The following MTUS2 variants were observed in gnomAD, a reference collection of about 807,000 sequenced individuals.
MTUS2 encodes microtubule associated scaffold protein 2.
Under a neutral mutation model 114.1 loss-of-function variants are expected in MTUS2, and 40 were observed. The ratio of observed to expected loss-of-function variants is 0.35; its 90% CI spans 0.27 to 0.46. The LOEUF (loss-of-function observed/expected upper bound fraction) is 0.46, where lower values mean the gene tolerates loss of function less well. Ranked by LOEUF, MTUS2 falls within the 20% of genes least tolerant of loss-of-function variation. The pLI, the probability that MTUS2 is intolerant of heterozygous loss-of-function variation, is 1.00. For synonymous variants in MTUS2, 688 were observed against 672.0 expected, an observed-to-expected ratio of 1.02 and a Z score of -0.37; for missense variants, 1,679 against 1,705.4, an observed-to-expected ratio of 0.98 and a Z score of 0.27.
chr13:29,353,475 A>AT (rs777659801), intron 7 of MTUS2, among the ~76,000 whole-genome samples: 1 of 151,654 alleles, frequency 6.6e-6, no homozygotes, highest in African/African-American at 2.4e-5. Flanking sequence ...TGATTTTTGT[A>AT]TTTTTTATAC....
intron 2 of MTUS2, among the ~76,000 whole-genome samples, chr13:28,965,107 G>C (rs1489135508): frequency 6.6e-6 from 1 of 152,182 alleles, no homozygotes; most frequent in Non-Finnish European, 1.5e-5. Context: ...TCATAATGAA[G>C]TTCACACGGA....
intron 2 of MTUS2, among the ~76,000 whole-genome samples, chr13:28,903,732 G>A (rs932878719): frequency 3.9e-5 from 6 of 151,990 alleles, no homozygotes; most frequent in Non-Finnish European, 8.8e-5. Context: ...ATGTGTGCAT[G>A]TGTCTTTATA....
At chr13:29,017,604 TA>T in intron 2 of MTUS2, among the ~76,000 whole-genome samples, 1 of 152,320 alleles carries the variant, frequency 6.6e-6, no homozygotes, top group East Asian at 1.9e-4. Context: ...CTTTTCTATC[TA>T]CTCTTACTTG....
intron 2 of MTUS2, among the ~76,000 whole-genome samples, chr13:28,885,273 G>A (rs1265127289): frequency 6.6e-6 from 1 of 152,150 alleles, no homozygotes; most frequent in Admixed American, 6.5e-5. Flanking sequence ...ATTTAAAAAC[G>A]TTCTTGGCAA....
chr13:29,265,494 T>C (rs1217355222), intron 5 of MTUS2, among the ~76,000 whole-genome samples: 1 of 152,216 alleles, frequency 6.6e-6, no homozygotes, highest in Admixed American at 6.5e-5. Context: ...AATGCCCCAC[T>C]CCTCAATACC....
intron 5 of MTUS2, among the ~76,000 whole-genome samples, chr13:29,208,584 C>G (rs1895293031): frequency 6.6e-6 from 1 of 152,006 alleles, no homozygotes; most frequent in Admixed American, 6.5e-5. Flanking sequence ...TTTCTTTCCT[C>G]TTAATGCTGG....
chr13:29,211,496 C>T (rs1895435964), intron 5 of MTUS2, among the ~76,000 whole-genome samples: 2 of 152,248 alleles, frequency 1.3e-5, no homozygotes, highest in Admixed American at 1.3e-4. Flanking sequence ...CAAATTGTTT[C>T]AAAGTTCAGC....
chr13:29,307,641 C>T lies in MTUS2; in HGVS notation c.2807-16972C>T, dbSNP rs187819296. On this transcript the variant is annotated intron_variant, in intron 6 of 15. Coordinates refer to ENST00000612955, the MANE Select transcript of MTUS2 (RefSeq NM_001033602.4). Reference sequence around the variant, plus strand: ...AGCTTGTCTCCTCTGACTTCAACAGCGACACCCACTCTTCCACCTTCGACG... The same window carrying T: ...AGCTTGTCTCCTCTGACTTCAACAGTGACACCCACTCTTCCACCTTCGACG... The T allele has an allele frequency of 1.9e-4, 215 of 1,153,634 alleles. 1 individual carries two copies. Among genetic ancestry groups the T allele is most frequent in the African/African-American group, 1.2e-3 (78 of 67,348 alleles). 71.5% of individuals were successfully genotyped at this position (1,153,634 alleles called of 1,614,324 possible).
chr13:29,420,970 C>T (rs1054259099), intron 8 of MTUS2, among the ~76,000 whole-genome samples: 1 of 152,198 alleles, frequency 6.6e-6, no homozygotes, highest in Non-Finnish European at 1.5e-5. Flanking sequence ...TTGGGTATTA[C>T]AGAGAAGTGA....
At chr13:29,224,211 C>G (rs1896018463) in intron 5 of MTUS2, among the ~76,000 whole-genome samples, 1 of 152,150 alleles carries the variant, frequency 6.6e-6, no homozygotes, top group South Asian at 2.1e-4. Context: ...AAGTGACACC[C>G]CAAGGATCCT....
chr13:29,200,099 C>T (rs1324203768), intron 5 of MTUS2, among the ~76,000 whole-genome samples: 2 of 151,138 alleles, frequency 1.3e-5, no homozygotes, highest in East Asian at 3.9e-4. Context: ...ATTATTCTGG[C>T]TAGTGGTCTG....
intron 7 of MTUS2, 53 bp downstream of exon 7, chr13:29,324,764 T>C (rs1650874646): frequency 2.9e-6 from 4 of 1,363,996 alleles, no homozygotes; most frequent in Admixed American, 2.0e-5. Flanking sequence ...ACTTGGAATT[T>C]ATCTTATTCA....
intron 6 of MTUS2, among the ~76,000 whole-genome samples, chr13:29,317,045 C>T (rs1390122874): frequency 6.6e-6 from 1 of 152,204 alleles, no homozygotes; most frequent in Non-Finnish European, 1.5e-5. Context: ...CTTGTTCACT[C>T]TTCTGTCCTT....
At chr13:29,367,649 G>A (rs1043698908) in intron 8 of MTUS2, among the ~76,000 whole-genome samples, 2 of 152,158 alleles carry the variant, frequency 1.3e-5, no homozygotes, top group African/African-American at 4.8e-5. Context: ...CAGATACAGA[G>A]CCTGAGGCTG....
At chr13:29,292,877 G>A (rs146565556) in intron 6 of MTUS2, among the ~76,000 whole-genome samples, 4 of 151,844 alleles carry the variant, frequency 2.6e-5, no homozygotes, top group Admixed American at 1.3e-4. Context: ...CACACTCAAG[G>A]GAAAAAAAGA....
intron 8 of MTUS2, among the ~76,000 whole-genome samples, chr13:29,389,327 G>GTATGTA (rs1566172333): frequency 9.4e-5 from 6 of 63,794 alleles, no homozygotes; most frequent in African/African-American, 1.4e-4. Flanking sequence ...ACACATATGT[G>GTATGTA]TGTATATATG....
At chr13:29,146,362 AG>A (rs1315888715) in intron 5 of MTUS2, among the ~76,000 whole-genome samples, 2 of 152,248 alleles carry the variant, frequency 1.3e-5, no homozygotes, top group Non-Finnish European at 2.9e-5. Context: ...TGTAACTTTA[AG>A]AACAAATTTG....
At chr13:28,986,508 C>T (rs1884592790) in intron 2 of MTUS2, among the ~76,000 whole-genome samples, 1 of 152,180 alleles carries the variant, frequency 6.6e-6, no homozygotes, top group Non-Finnish European at 1.5e-5. Context: ...CCTGCTTTCT[C>T]ACCAGATGCA....
chr13:28,966,736 A>AC (rs1313879826), intron 2 of MTUS2, among the ~76,000 whole-genome samples: 2 of 151,660 alleles, frequency 1.3e-5, no homozygotes, highest in East Asian at 1.9e-4. Context: ...AAAAAAAAAA[A>AC]AAAAAAAAAA....
Sources: gnomAD v4.1 joint callset for allele counts (sites outside exome capture counted in the v4.1 genomes callset) on GRCh38, gnomAD v4.1.1 for gene constraint, MANE v1.5 for transcripts, NCBI Gene and HGNC (gene_info 2026-07-23, HGNC 2026-07-21) for gene names.